Variants in SLC16A14 observed in about 807,000 individuals in gnomAD.
SLC16A14 encodes the protein solute carrier family 16 member 14.
A neutral mutation model predicts 35.8 loss-of-function variants in SLC16A14; 14 were observed. The observed-to-expected ratio is 0.39, with a 90% CI of 0.26 to 0.61. The LOEUF (loss-of-function observed/expected upper bound fraction) is 0.61, where lower values mean the gene tolerates loss of function less well. Ranked by LOEUF, SLC16A14 falls within the 20% of genes least tolerant of loss-of-function variation. The pLI is 0.51. For synonymous variants in SLC16A14, 248 were observed against 258.9 expected (o/e 0.96, Z 0.40); for missense variants, 533 against 655.0 (o/e 0.81, Z 2.03).
chr2:230,059,307 G>A lies in SLC16A14; in HGVS notation c.46C>T (p.Pro16Ser). Residue 16 changes from proline to serine, a missense_variant, in exon 2 of 5, where the codon CCC becomes TCC. Coordinates refer to ENST00000295190, the MANE Select transcript of SLC16A14 (RefSeq NM_152527.5). ...EDIGYDFEDG[P>S]KDKKTLKPHP... The stretch of plus-strand genomic sequence containing the variant: ...GGCTTCAGTGTCTTTTTGTCTTTGG[G>A]GCCATCTTCAAAATCATACCCAATA... 1 of 1,610,782 alleles carries A rather than the reference G, an allele frequency of 6.2e-7. No homozygotes were observed. The highest frequency in any genetic ancestry group is 1.1e-5 in the South Asian group (1 of 90,772).
rs1057112858 is a variant in SLC16A14 at position 230,035,818 on chromosome 2, C to T, written c.*1562G>A. 8 of 152,152 alleles carry T rather than the reference C, an allele frequency of 5.3e-5. No homozygotes were observed. Among genetic ancestry groups the T allele is most frequent in the African/African-American group, 1.7e-4 (7 of 41,422 alleles). 9.4% of individuals were successfully genotyped at this position (152,152 alleles called of 1,614,324 possible). Reference sequence around the variant, plus strand: ...TCATTACACAACCACTCCCACTATACATTAGAGCAGGAAATAATGGAGATG... The same window carrying T: ...TCATTACACAACCACTCCCACTATATATTAGAGCAGGAAATAATGGAGATG... On this transcript the variant is annotated 3_prime_UTR_variant, in exon 5 of 5. Transcript: ENST00000295190.
At chr2:230,043,303 G>A (rs754301937) in intron 4 of SLC16A14, among the ~76,000 whole-genome samples, 9 of 152,146 alleles carry the variant, frequency 5.9e-5, no homozygotes, top group Non-Finnish European at 7.3e-5. Flanking sequence ...GGTGTTGTCC[G>A]CTGTACAGGC....
rs1007100831 is a variant in SLC16A14 at position 230,035,965 on chromosome 2, A to G, written c.*1415T>C. On this transcript the variant is annotated 3_prime_UTR_variant, in exon 5 of 5. Transcript: ENST00000295190. Reference sequence around the variant, plus strand: ...GTGGCATTGTTTGATTCCAATTCCTAGTAGCATTCCTGCGTCTAATTGTGA... The same window carrying G: ...GTGGCATTGTTTGATTCCAATTCCTGGTAGCATTCCTGCGTCTAATTGTGA... The G allele has an allele frequency of 6.5e-6, 1 of 152,716 alleles. No homozygotes were observed. Among genetic ancestry groups the G allele is most frequent in the South Asian group, 2.1e-4 (1 of 4,830 alleles). The allele number at this position is 152,716 out of a possible 1,614,324, so 9.5% of individuals were successfully genotyped here. A position where few individuals can be genotyped will look rare whatever the true frequency, so the allele number is the denominator to read the frequency against.
chr2:230,053,964 C>A (rs1386594105), intron 2 of SLC16A14, among the ~76,000 whole-genome samples: 1 of 151,960 alleles, frequency 6.6e-6, no homozygotes, highest in Admixed American at 6.6e-5. Flanking sequence ...AACCCCTCAC[C>A]ATAGTAAAGA....
intron 1 of SLC16A14, among the ~76,000 whole-genome samples, chr2:230,060,690 G>T (rs1398132571): frequency 6.6e-6 from 1 of 150,378 alleles, no homozygotes; most frequent in Non-Finnish European, 1.5e-5. Flanking sequence ...TTTTTTTGGG[G>T]GGAGGGGATG....
chr2:230,056,759 A>G (rs1193537816), intron 2 of SLC16A14, among the ~76,000 whole-genome samples: 1 of 151,600 alleles, frequency 6.6e-6, no homozygotes, highest in African/African-American at 2.4e-5. Flanking sequence ...AGTTTTAGCT[A>G]CTCAGGAAGC....
intron 1 of SLC16A14, among the ~76,000 whole-genome samples, chr2:230,064,682 C>T (rs2106282174): frequency 6.6e-6 from 1 of 152,290 alleles, no homozygotes; most frequent in South Asian, 2.1e-4. Context: ...CATTTACAAC[C>T]AAGGAAGGCT....
chr2:230,044,640 C>G (rs2077586693), intron 4 of SLC16A14, among the ~76,000 whole-genome samples: 1 of 151,850 alleles, frequency 6.6e-6, no homozygotes, highest in Non-Finnish European at 1.5e-5. Context: ...AAATTCCCCC[C>G]TAAAGCCTCA....
intron 2 of SLC16A14, among the ~76,000 whole-genome samples, chr2:230,050,269 G>A (rs2077648545): frequency 6.6e-6 from 1 of 152,100 alleles, no homozygotes; most frequent in South Asian, 2.1e-4. Flanking sequence ...AAATTAAGAG[G>A]ATTCACAAAA....
At chr2:230,044,961 T>C (rs2077591838) in intron 4 of SLC16A14, among the ~76,000 whole-genome samples, 1 of 152,278 alleles carries the variant, frequency 6.6e-6, no homozygotes, top group South Asian at 2.1e-4. Flanking sequence ...CTGGATCAAG[T>C]CCATGGATGT....
At chr2:230,060,780 G>A in intron 1 of SLC16A14, among the ~76,000 whole-genome samples, 1 of 151,990 alleles carries the variant, frequency 6.6e-6, no homozygotes, top group East Asian at 1.9e-4. Context: ...TGATGATAAT[G>A]ACTAATCCTG....
chr2:230,066,691 C>T (rs1217334994), intron 1 of SLC16A14: 3 of 412,316 alleles, frequency 7.3e-6, no homozygotes, highest in Non-Finnish European at 1.4e-5. Context: ...CTGGAGTGCA[C>T]TGGTGAGATC....
intron 2 of SLC16A14, among the ~76,000 whole-genome samples, chr2:230,054,305 A>G (rs2077687475): frequency 6.6e-6 from 1 of 152,212 alleles, no homozygotes; most frequent in Non-Finnish European, 1.5e-5. Flanking sequence ...CACTCTGCCA[A>G]AAGAAAAAAA....
At position 230,035,865 on chromosome 2, in the gene SLC16A14, A is replaced by T. The variant is rs2077515325; in HGVS notation, c.*1515T>A. ...GATGGAACAAAAAGAGAACTTGTCC[A>T]TTGAATCACTTGTTAACAGCTCAGA... On this transcript the variant is annotated 3_prime_UTR_variant, in exon 5 of 5. Transcript: ENST00000295190. 6.6e-6 allele frequency: 1 copy of T among 152,464 alleles called. No homozygotes were observed. Among genetic ancestry groups the T allele is most frequent in the South Asian group, 2.1e-4 (1 of 4,828 alleles). The allele number at this position is 152,464 out of a possible 1,614,324, so 9.4% of individuals were successfully genotyped here.
chr2:230,040,423 A>G (rs2077552046), intron 4 of SLC16A14, among the ~76,000 whole-genome samples: 1 of 152,058 alleles, frequency 6.6e-6, no homozygotes, highest in Admixed American at 6.6e-5. Context: ...GGGTTTCCCC[A>G]TGTTGGCAAG....
intron 4 of SLC16A14, among the ~76,000 whole-genome samples, chr2:230,043,898 T>G (rs1389034947): frequency 6.6e-6 from 1 of 152,254 alleles, no homozygotes; most frequent in Non-Finnish European, 1.5e-5. Context: ...GCTTCTGCTA[T>G]GCCTGAATAC....
rs1330463077 is a variant in SLC16A14, at chr2:230,046,856, A to G, written c.404-134T>C. 1 of 1,086,300 alleles carries G rather than the reference A, an allele frequency of 9.2e-7. No individual in the cohort carries two copies. The highest frequency in any genetic ancestry group is 1.3e-6 in the Non-Finnish European group (1 of 796,526). 67.3% of individuals were successfully genotyped at this position (1,086,300 alleles called of 1,614,324 possible). The stretch of plus-strand genomic sequence containing the variant: ...TTTTTATTTCTAACAAAGCAATAAC[A>G]CTGATTATTTAAAAAGCAGCTCCCA... On this transcript the variant is annotated intron_variant, in intron 3 of 4. Coordinates refer to ENST00000295190, the MANE Select transcript of SLC16A14 (RefSeq NM_152527.5). The surrounding 1 kb of genome is among the most constrained non-coding windows in gnomAD (Gnocchi z 5.0).
At chr2:230,054,183 A>C (rs757649985) in intron 2 of SLC16A14, among the ~76,000 whole-genome samples, 1 of 152,126 alleles carries the variant, frequency 6.6e-6, no homozygotes, top group Non-Finnish European at 1.5e-5. Flanking sequence ...TATCTTGTGT[A>C]GCCTGTGGAT....
chr2:230,067,534 TTCTCTCTCTCTCTCTCTCTCTC>T (rs145179402), intron 1 of SLC16A14, among the ~76,000 whole-genome samples: 5 of 128,356 alleles, frequency 3.9e-5, no homozygotes, highest in African/African-American at 6.4e-5. Context: ...CTCCCCTCTC[TTCTCTCTCTCTCTCTCTCTCTC>T]TCTCTCTCTC....
Sources: allele counts gnomAD v4.1 joint callset (sites outside exome capture counted in the v4.1 genomes callset), GRCh38; gene constraint gnomAD v4.1.1; non-coding constraint Gnocchi (gnomAD v3.1); transcripts MANE v1.5; gene names NCBI Gene and HGNC (gene_info 2026-07-23, HGNC 2026-07-21).